The following EPHB1 variants were observed in gnomAD, a reference collection of about 807,000 sequenced individuals.
EPHB1 encodes EPH receptor B1, also known as ephrin type-B receptor 1.
In EPHB1, 30 loss-of-function variants were observed where a neutral mutation model predicts 94.4. The ratio of observed to expected loss-of-function variants is 0.32; its 90% CI spans 0.24 to 0.43. EPHB1 has a LOEUF of 0.43. Ranked by LOEUF, EPHB1 falls within the 20% of genes least tolerant of loss-of-function variation. The pLI is 1.00. For missense variants in EPHB1, 1,055 were observed against 1,308.3 expected (o/e 0.81, Z 2.99); for synonymous variants, 522 against 489.1 (o/e 1.07, Z -0.89).
Position 135,242,514 on chromosome 3 carries a change from G to A in EPHB1, c.2496+1217G>A, listed in dbSNP as rs189585015. ...AGAGACTGTGGAAAGAGGAGCTGGG[G>A]TACTTCTATGACAGTACTCCCTGTT... is the stretch of plus-strand genomic sequence containing the variant. On this transcript the variant is annotated intron_variant, in intron 13 of 15. Transcript: ENST00000398015. 1.3e-4 allele frequency among the ~76,000 whole-genome samples: 20 copies of A among 152,270 alleles called. No homozygotes were observed. The East Asian group carries it at 3.5e-3, about 26-fold the overall frequency.
intron 1 of EPHB1, among the ~76,000 whole-genome samples, chr3:134,925,067 T>C (rs2038762717): frequency 1.3e-5 from 2 of 152,364 alleles, no homozygotes; most frequent in African/African-American, 4.8e-5. Context: ...GTGCAGTTTA[T>C]CCCTGACGGC....
intron 3 of EPHB1, among the ~76,000 whole-genome samples, chr3:134,954,740 A>G (rs1447100989): frequency 6.6e-6 from 1 of 152,226 alleles, no homozygotes; most frequent in African/African-American, 2.4e-5. Context: ...TTTTTCCTGC[A>G]TGGAAACAGA....
At chr3:135,109,566 T>A (rs1304500710) in intron 4 of EPHB1, among the ~76,000 whole-genome samples, 1 of 152,114 alleles carries the variant, frequency 6.6e-6, no homozygotes, top group East Asian at 1.9e-4. Context: ...ATGTTGGATA[T>A]CTGAAAATAA....
chr3:135,237,783 T>C (rs993327484), intron 12 of EPHB1, among the ~76,000 whole-genome samples: 1 of 152,150 alleles, frequency 6.6e-6, no homozygotes, highest in Non-Finnish European at 1.5e-5. Context: ...GAGCAAGCAC[T>C]CCTCTATGCC....
At chr3:135,100,755 G>A (rs1939006608) in intron 3 of EPHB1, among the ~76,000 whole-genome samples, 1 of 152,182 alleles carries the variant, frequency 6.6e-6, no homozygotes. Context: ...GTGCTGAGAA[G>A]TTGGGTGGGT....
At chr3:134,849,833 C>T (rs1214373433) in intron 1 of EPHB1, among the ~76,000 whole-genome samples, 1 of 152,160 alleles carries the variant, frequency 6.6e-6, no homozygotes, top group African/African-American at 2.4e-5. Flanking sequence ...TAGAATCTGG[C>T]TTAATTGCTT....
At chr3:134,890,790 T>C (rs2037964215) in intron 1 of EPHB1, among the ~76,000 whole-genome samples, 1 of 152,246 alleles carries the variant, frequency 6.6e-6, no homozygotes, top group African/African-American at 2.4e-5. Flanking sequence ...ATCTTTTTTC[T>C]TCTTAAGTAT....
chr3:134,943,060 C>T (rs1052829902), intron 2 of EPHB1, among the ~76,000 whole-genome samples: 4 of 152,214 alleles, frequency 2.6e-5, no homozygotes, highest in South Asian at 2.1e-4. Flanking sequence ...GGAGCCACCT[C>T]GAAGGAAGGA....
chr3:134,807,524 T>TGTGC (rs57008366), intron 1 of EPHB1, among the ~76,000 whole-genome samples: 6,455 of 130,326 alleles, frequency 0.05, 188 homozygotes, highest in Middle Eastern at 0.082. Context: ...TGTGTGTGTG[T>TGTGC]GCACGTGTGT....
At chr3:134,906,192 T>C (rs1037248197) in intron 1 of EPHB1, among the ~76,000 whole-genome samples, 2 of 152,246 alleles carry the variant, frequency 1.3e-5, no homozygotes, top group Non-Finnish European at 1.5e-5. Context: ...TATACCCCTT[T>C]GGAAGGACTC....
intron 3 of EPHB1, among the ~76,000 whole-genome samples, chr3:134,963,190 T>TTCTTCCG (rs2107722848): frequency 6.9e-6 from 1 of 145,616 alleles, no homozygotes. Context: ...TCCTTCTTCC[T>TTCTTCCG]TCTTCTTCTG....
chr3:134,973,466 C>T (rs4955463), intron 3 of EPHB1, among the ~76,000 whole-genome samples: 56,037 of 141,060 alleles, frequency 0.4, 12,129 homozygotes, highest in African/African-American at 0.54. Flanking sequence ...AGTCTCACTC[C>T]CGTTGCTCAG....
intron 3 of EPHB1, among the ~76,000 whole-genome samples, chr3:134,955,080 T>C (rs1559770474): frequency 1.2e-3 from 37 of 31,842 alleles, no homozygotes; most frequent in African/African-American, 4.5e-3. Context: ...TCTTTTTTTT[T>C]TTTTTTTTTT....
intron 5 of EPHB1, among the ~76,000 whole-genome samples, chr3:135,143,308 C>T (rs141978577): frequency 0.012 from 1,752 of 152,234 alleles, 22 homozygotes; most frequent in Admixed American, 0.017. Context: ...TGGTGGGCTG[C>T]TCTGAGGAGG....
intron 2 of EPHB1, among the ~76,000 whole-genome samples, chr3:134,936,584 T>G (rs2039007598): frequency 6.6e-6 from 1 of 151,984 alleles, no homozygotes; most frequent in African/African-American, 2.4e-5. Flanking sequence ...CCCCCCTCCA[T>G]TTGAGATGCT....
intron 4 of EPHB1, among the ~76,000 whole-genome samples, chr3:135,109,864 G>T (rs960562551): frequency 6.6e-6 from 1 of 152,186 alleles, no homozygotes; most frequent in Non-Finnish European, 1.5e-5. Context: ...AGGCAGCAGC[G>T]GCCTAGCAGC....
chr3:134,897,262 C>T (rs1469058541), intron 1 of EPHB1, among the ~76,000 whole-genome samples: 1 of 152,138 alleles, frequency 6.6e-6, no homozygotes, highest in Non-Finnish European at 1.5e-5. Context: ...GGAAGGGATA[C>T]CCCAATCCCA....
At chr3:135,219,423 A>G (rs1428930742) in intron 12 of EPHB1, among the ~76,000 whole-genome samples, 2 of 151,864 alleles carry the variant, frequency 1.3e-5, no homozygotes, top group South Asian at 4.2e-4. Flanking sequence ...TTAGACAAAG[A>G]CACACAAGGA....
rs866752886 is a variant in EPHB1, at chr3:135,111,829, G to A, written c.961+5226G>A. On this transcript the variant is annotated intron_variant, in intron 4 of 15. Coordinates refer to ENST00000398015, the MANE Select transcript of EPHB1 (RefSeq NM_004441.5). ...CGAGTAGCTGGGATTACAGGTGCTC[G>A]CCACCAGACCCGGCTAATTTTTGTA... 1.2e-4 allele frequency among the ~76,000 whole-genome samples: 19 copies of A among 152,224 alleles called. No individual in the cohort carries two copies. In the Middle Eastern group the frequency reaches 0.02, roughly 164 times the overall value.
Sources: gnomAD v4.1 joint callset for allele counts (sites outside exome capture counted in the v4.1 genomes callset) on GRCh38, gnomAD v4.1.1 for gene constraint, MANE v1.5 for transcripts, NCBI Gene and HGNC (gene_info 2026-07-23, HGNC 2026-07-21) for gene names.